TTBK1: variants seen among roughly 807,000 people sequenced by gnomAD.
The protein encoded by TTBK1 is tau tubulin kinase 1, also known as tau-tubulin kinase 1.
A neutral mutation model predicts 108.5 loss-of-function variants in TTBK1; 34 were observed. That is an observed-to-expected ratio of 0.31 (90% CI 0.24 to 0.42). The LOEUF is 0.42. Ranked by LOEUF, TTBK1 falls within the 10% of genes least tolerant of loss-of-function variation. TTBK1 has a pLI of 1.00. For synonymous variants in TTBK1, 809 were observed against 795.1 expected, an observed-to-expected ratio of 1.02 and a Z score of -0.29; for missense variants, 1,539 against 1,826.0, an observed-to-expected ratio of 0.84 and a Z score of 2.86.
intron 13 of TTBK1, chr6:43,271,701 C>G: frequency 2.0e-6 from 2 of 985,330 alleles, no homozygotes; most frequent in Non-Finnish European, 2.4e-6. Flanking sequence ...TCATCCACAC[C>G]ATTCACATAA....
rs141228856 is a variant in TTBK1 at position 43,264,603 on chromosome 6, A to G, written c.1986+1253A>G. ...CTGAGAGGTGCTCACATCTAGGGGG[A>G]ATGAGAGGAGAAGGAGCTCTGCATG... is the stretch of plus-strand genomic sequence containing the variant. On this transcript the variant is annotated intron_variant, in intron 13 of 14. Transcript: ENST00000259750. Among the ~76,000 whole-genome samples, 1,029 of 152,050 alleles carry G rather than the reference A, an allele frequency of 6.8e-3. 9 individuals carry two copies. The highest frequency in any genetic ancestry group is 0.04 in the South Asian group (192 of 4,802).
chr6:43,250,348 C>CTTTTTT (rs555371314), intron 2 of TTBK1, among the ~76,000 whole-genome samples: 9 of 89,106 alleles, frequency 1.0e-4, no homozygotes, highest in East Asian at 2.9e-4. Context: ...CCTGGCTTTG[C>CTTTTTT]TTTTTTTTTT....
intron 2 of TTBK1, among the ~76,000 whole-genome samples, chr6:43,247,019 C>G (rs1562080162): frequency 1.3e-5 from 2 of 152,166 alleles, no homozygotes. Context: ...AGGCCAAGCC[C>G]GGAACAACTC....
chr6:43,276,371 G>T lies in TTBK1; in HGVS notation c.1987-6356G>T, dbSNP rs558298207. Among the ~76,000 whole-genome samples the T allele has an allele frequency of 1.8e-4, 28 of 152,158 alleles. No homozygotes were observed. Among genetic ancestry groups the T allele is most frequent in the African/African-American group, 6.3e-4 (26 of 41,518 alleles). On this transcript the variant is annotated intron_variant, in intron 13 of 14. Coordinates refer to ENST00000259750, the MANE Select transcript of TTBK1 (RefSeq NM_032538.3). The surrounding 1 kb of genome is among the most constrained non-coding windows in gnomAD (Gnocchi z 5.4). ...TTAGTGTACATAGCGGCGTCGGGGG[G>T]TGGCCCCAGGCCCGGGTAGAAAAGC...
chr6:43,274,341 C>T (rs890627521), intron 13 of TTBK1, among the ~76,000 whole-genome samples: 2 of 152,160 alleles, frequency 1.3e-5, no homozygotes, highest in East Asian at 1.9e-4. Flanking sequence ...CACCCGGACT[C>T]GCTCTCTCTT....
Position 43,270,830 on chromosome 6 carries a change from C to A in TTBK1, c.1986+7480C>A, listed in dbSNP as rs117084418. Reference sequence around the variant, plus strand: ...TGGTTGTTAAGGATGACGTGAGAAACCATGTGCTTGTCAGCAAAACCAGTG... The same window carrying A: ...TGGTTGTTAAGGATGACGTGAGAAAACATGTGCTTGTCAGCAAAACCAGTG... On this transcript the variant is annotated intron_variant, in intron 13 of 14. Coordinates refer to ENST00000259750, the MANE Select transcript of TTBK1 (RefSeq NM_032538.3). The A allele has an allele frequency of 1.9e-3, 1,858 of 985,472 alleles. 39 individuals are homozygous for A. In the East Asian group the frequency reaches 0.074, roughly 39 times the overall value. The allele number at this position is 985,472 out of a possible 1,614,324, so 61.0% of individuals were successfully genotyped here.
intron 13 of TTBK1, chr6:43,271,866 G>GGGGCGC: frequency 1.0e-6 from 1 of 979,712 alleles, no homozygotes; most frequent in Non-Finnish European, 1.2e-6. Flanking sequence ...TAATACTTGT[G>GGGGCGC]CCCCACCCCC....
In TTBK1 at chr6:43,272,475, C is replaced by T. The variant is rs1777860181; in HGVS notation, c.1986+9125C>T. The T allele has an allele frequency of 6.1e-6, 6 of 985,422 alleles. No homozygotes were observed. In the South Asian group the frequency reaches 2.3e-4, roughly 39 times the overall value. 61.0% of individuals were successfully genotyped at this position (985,422 alleles called of 1,614,324 possible). On this transcript the variant is annotated intron_variant, in intron 13 of 14. Coordinates refer to ENST00000259750, the MANE Select transcript of TTBK1 (RefSeq NM_032538.3). ...CGGCTGAGTTTTCAAACACACACCC[C>T]CCACCTCAGAACTGACACCTGTGGG...
intron 9 of TTBK1, among the ~76,000 whole-genome samples, chr6:43,256,554 C>T (rs1777386653): frequency 6.6e-6 from 1 of 152,074 alleles, no homozygotes; most frequent in East Asian, 2.0e-4. Flanking sequence ...GCCTGGCCAG[C>T]ATGGTGAAAC....
In TTBK1 at chr6:43,265,608, G is replaced by A. The variant is rs1777655479; in HGVS notation, c.1986+2258G>A. ...CAGGCAGCAGGAGAGGGAGCAAAATGTGTTTGGGGTCCTTGCTCCGCTCCC... is the reference window on the plus strand; with the variant it reads ...CAGGCAGCAGGAGAGGGAGCAAAATATGTTTGGGGTCCTTGCTCCGCTCCC... On this transcript the variant is annotated intron_variant, in intron 13 of 14. Coordinates refer to ENST00000259750, the MANE Select transcript of TTBK1 (RefSeq NM_032538.3). This position sits in a 1 kb window ranked among gnomAD's most constrained non-coding sequence, Gnocchi z 4.1. Among the ~76,000 whole-genome samples the A allele has an allele frequency of 6.6e-6, 1 of 152,216 alleles. No individual in the cohort carries two copies. Among genetic ancestry groups the A allele is most frequent in the Admixed American group, 6.5e-5 (1 of 15,284 alleles).
rs185186575 is a variant in TTBK1, at chr6:43,253,063, G to A, written c.256+177G>A. On this transcript the variant is annotated intron_variant, in intron 3 of 14. Transcript: ENST00000259750. The surrounding 1 kb of genome is among the most constrained non-coding windows in gnomAD (Gnocchi z 5.8). The stretch of plus-strand genomic sequence containing the variant: ...GCCAGAGTCTAGGAGAGATGGGACC[G>A]GGGTCTAAGACAGTGATGGGGCAGG... Among the ~76,000 whole-genome samples, 47 of 152,214 alleles carry A rather than the reference G, an allele frequency of 3.1e-4. No individual in the cohort carries two copies. Among genetic ancestry groups the A allele is most frequent in the East Asian group, 5.8e-4 (3 of 5,184 alleles).
intron 13 of TTBK1, among the ~76,000 whole-genome samples, chr6:43,277,783 G>A (rs780381454): frequency 7.9e-5 from 12 of 152,208 alleles, no homozygotes; most frequent in Non-Finnish European, 1.2e-4. Context: ...TGGGAGAGGC[G>A]GTGCTGAGTG....
At chr6:43,248,654 C>A (rs541862175) in intron 2 of TTBK1, among the ~76,000 whole-genome samples, 3 of 152,212 alleles carry the variant, frequency 2.0e-5, no homozygotes, top group African/African-American at 7.2e-5. Context: ...ACCTGGAAGG[C>A]AGAGGTTGCA....
At chr6:43,244,343 C>T (rs1264536971) in intron 1 of TTBK1, among the ~76,000 whole-genome samples, 1 of 152,208 alleles carries the variant, frequency 6.6e-6, no homozygotes, top group Non-Finnish European at 1.5e-5. Flanking sequence ...CAGAGTTACA[C>T]ATCAACACTT....
intron 13 of TTBK1, chr6:43,272,472 C>G (rs923336849): frequency 2.0e-6 from 2 of 985,432 alleles, no homozygotes; most frequent in Non-Finnish European, 2.4e-6. Context: ...CAAACACACA[C>G]CCCCCACCTC....
intron 14 of TTBK1, among the ~76,000 whole-genome samples, 175 bp downstream of exon 14, chr6:43,284,487 C>T (rs1009794180): frequency 4.0e-5 from 6 of 150,638 alleles, no homozygotes; most frequent in Non-Finnish European, 5.9e-5. Flanking sequence ...CGGGTTCCAG[C>T]CCTGTCACTG....
At chr6:43,277,276 G>C (rs982481453) in intron 13 of TTBK1, among the ~76,000 whole-genome samples, 3 of 152,094 alleles carry the variant, frequency 2.0e-5, no homozygotes, top group Non-Finnish European at 4.4e-5. Flanking sequence ...TGAGAACCTG[G>C]GGTTGGGGGT....
chr6:43,274,427 C>T (rs1031486235), intron 13 of TTBK1, among the ~76,000 whole-genome samples: 2 of 152,074 alleles, frequency 1.3e-5, no homozygotes, highest in Admixed American at 6.5e-5. Context: ...GAGCCTTGGG[C>T]CCCTGGGTAG....
At chr6:43,271,312 G>A (rs1267949184) in intron 13 of TTBK1, 3 of 985,402 alleles carry the variant, frequency 3.0e-6, no homozygotes, top group Non-Finnish European at 3.6e-6. Flanking sequence ...GTTTGTGCAT[G>A]TGGAAGGGCT....
Sources: gnomAD v4.1 joint callset for allele counts (sites outside exome capture counted in the v4.1 genomes callset) on GRCh38, gnomAD v4.1.1 for gene constraint, Gnocchi (gnomAD v3.1) non-coding constraint, MANE v1.5 for transcripts, NCBI Gene and HGNC (gene_info 2026-07-23, HGNC 2026-07-21) for gene names.